LIN52: variants seen among roughly 807,000 people sequenced by gnomAD.
LIN52 encodes the protein lin-52 DREAM MuvB core complex component.
A neutral mutation model predicts 18.5 loss-of-function variants in LIN52; 4 were observed. The observed-to-expected ratio is 0.22, with a 90% confidence interval of 0.11 to 0.49. The LOEUF (loss-of-function observed/expected upper bound fraction) is 0.49. Among genes scored for constraint, LIN52 ranks in the 20% least tolerant of loss-of-function variants. The pLI is 0.97. For missense variants in LIN52, 102 were observed against 139.5 expected, an observed-to-expected ratio of 0.73 and a Z score of 1.35; for synonymous variants, 34 against 45.5, an observed-to-expected ratio of 0.75 and a Z score of 1.02.
chr14:74,136,245 G>A (rs1263677533), intron 5 of LIN52, among the ~76,000 whole-genome samples: 1 of 152,176 alleles, frequency 6.6e-6, no homozygotes, highest in Non-Finnish European at 1.5e-5. Context: ...TTTTGATGCA[G>A]ACCTTTATTT....
chr14:74,164,001 A>G (rs1355266057), intron 5 of LIN52, among the ~76,000 whole-genome samples: 2 of 136,146 alleles, frequency 1.5e-5, no homozygotes, highest in Non-Finnish European at 3.2e-5. Context: ...TTTTTTTTTG[A>G]GACAGAGACT....
rs77270108 is a variant in LIN52 at position 74,192,265 on chromosome 14, G to A, written c.284-6657G>A. On this transcript the variant is annotated intron_variant, in intron 5 of 5. Coordinates refer to ENST00000555028, the MANE Select transcript of LIN52 (RefSeq NM_001024674.3). The stretch of plus-strand genomic sequence containing the variant: ...AAGGAAGGAAGCAAGACTGAGAACA[G>A]TGGTTGTTTTTTGTTTTTGTTTTTG... 5.8e-3 allele frequency among the ~76,000 whole-genome samples: 882 copies of A among 152,064 alleles called. 7 individuals are homozygous for A. The highest frequency in any genetic ancestry group is 0.013 in the African/African-American group (538 of 41,520).
chr14:74,191,243 C>T (rs527636013), intron 5 of LIN52, among the ~76,000 whole-genome samples: 1 of 152,348 alleles, frequency 6.6e-6, no homozygotes, highest in African/African-American at 2.4e-5. Flanking sequence ...TTAACAACAG[C>T]TAGCTCCATC....
intron 5 of LIN52, chr14:74,114,379 G>C (rs1273749702): frequency 3.0e-6 from 3 of 985,424 alleles, no homozygotes; most frequent in Non-Finnish European, 3.6e-6. Context: ...GGAAGTTACA[G>C]TGGGAATCCA....
intron 5 of LIN52, among the ~76,000 whole-genome samples, chr14:74,130,809 T>C (rs944263730): frequency 2.1e-5 from 3 of 145,778 alleles, no homozygotes; most frequent in Non-Finnish European, 4.6e-5. Flanking sequence ...TGGTCTCAAA[T>C]GCCTGACCTC....
intron 5 of LIN52, 34 bp downstream of exon 5, chr14:74,101,272 A>G: frequency 3.3e-6 from 5 of 1,498,890 alleles, no homozygotes; most frequent in Non-Finnish European, 4.6e-6. Flanking sequence ...TCAGGGGTGT[A>G]TTCCACCCTG....
intron 5 of LIN52, among the ~76,000 whole-genome samples, chr14:74,140,892 C>T (rs2061126727): frequency 6.6e-6 from 1 of 152,050 alleles, no homozygotes; most frequent in Non-Finnish European, 1.5e-5. Flanking sequence ...TAGCAAGTGC[C>T]TTATTTTTTT....
At chr14:74,099,591 T>C (rs2060839385) in intron 4 of LIN52, among the ~76,000 whole-genome samples, 1 of 151,752 alleles carries the variant, frequency 6.6e-6, no homozygotes, top group African/African-American at 2.4e-5. Flanking sequence ...TGTCTTTGTG[T>C]GTGTGTGTGT....
chr14:74,138,013 A>C (rs2061107911), intron 5 of LIN52, among the ~76,000 whole-genome samples: 1 of 152,188 alleles, frequency 6.6e-6, no homozygotes, highest in South Asian at 2.1e-4. Flanking sequence ...ACTCTATTCC[A>C]CAGTCAGAGT....
At chr14:74,108,611 T>C (rs2060910643) in intron 5 of LIN52, among the ~76,000 whole-genome samples, 1 of 152,176 alleles carries the variant, frequency 6.6e-6, no homozygotes, top group African/African-American at 2.4e-5. Context: ...TAGTGTCTCA[T>C]TGTGGTTTGG....
At chr14:74,141,392 C>A (rs536627397) in intron 5 of LIN52, among the ~76,000 whole-genome samples, 1 of 152,210 alleles carries the variant, frequency 6.6e-6, no homozygotes, top group African/African-American at 2.4e-5. Context: ...ATACATAGAT[C>A]TGCTTCACTG....
rs768731184 is a variant in LIN52 at position 74,084,967 on chromosome 14, G to A, written c.-8G>A. The A allele has an allele frequency of 4.1e-6, 6 of 1,451,006 alleles. No homozygotes were observed. The highest frequency in any genetic ancestry group is 4.5e-6 in the Non-Finnish European group (5 of 1,099,890). 89.9% of individuals were successfully genotyped at this position (1,451,006 alleles called of 1,614,324 possible). A position where few individuals can be genotyped will look rare whatever the true frequency, so the allele number is the denominator to read the frequency against. Reference sequence around the variant, plus strand: ...CGGTTGGCCACGTCACGTGACATGGGTTGGAAGATGGCGTCTCCCACAGAC... The same window carrying A: ...CGGTTGGCCACGTCACGTGACATGGATTGGAAGATGGCGTCTCCCACAGAC... On this transcript the variant is annotated 5_prime_UTR_variant, in exon 1 of 6. Transcript: ENST00000555028.
chr14:74,162,985 T>C (rs1308862484), intron 5 of LIN52, among the ~76,000 whole-genome samples: 1 of 152,132 alleles, frequency 6.6e-6, no homozygotes, highest in Non-Finnish European at 1.5e-5. Flanking sequence ...ATGGAATCAT[T>C]TTATATTTAC....
chr14:74,132,536 G>A (rs896121999), intron 5 of LIN52, among the ~76,000 whole-genome samples: 3 of 152,118 alleles, frequency 2.0e-5, no homozygotes, highest in African/African-American at 7.2e-5. Context: ...TTGAGACGGA[G>A]TCTTACTCTG....
chr14:74,136,538 C>A (rs1249720528), intron 5 of LIN52, among the ~76,000 whole-genome samples: 3 of 152,154 alleles, frequency 2.0e-5, no homozygotes, highest in Non-Finnish European at 4.4e-5. Context: ...TAGTTGTTTG[C>A]ATCCATTTCT....
At chr14:74,117,863 A>G (rs949396885) in intron 5 of LIN52, among the ~76,000 whole-genome samples, 3 of 152,302 alleles carry the variant, frequency 2.0e-5, no homozygotes, top group Admixed American at 2.0e-4. Flanking sequence ...GCATATGTAT[A>G]AGAGAAGTAT....
chr14:74,102,455 A>G (rs1223770062), intron 5 of LIN52, among the ~76,000 whole-genome samples: 3 of 152,226 alleles, frequency 2.0e-5, no homozygotes, highest in Non-Finnish European at 4.4e-5. Context: ...AAGTTCACTC[A>G]TTAGTACCTA....
Position 74,199,479 on chromosome 14 carries a change from T to C in LIN52, c.*502T>C, listed in dbSNP as rs912666132. The stretch of plus-strand genomic sequence containing the variant: ...CCTGACCTGTGAACTCTCCAGTATA[T>C]ACTAAGTTCCCAGAATCCCCAGCTG... On this transcript the variant is annotated 3_prime_UTR_variant, in exon 6 of 6. Transcript: ENST00000555028. The C allele has an allele frequency of 6.6e-6, 1 of 152,514 alleles. No individual in the cohort carries two copies. Among genetic ancestry groups the C allele is most frequent in the African/African-American group, 2.4e-5 (1 of 41,462 alleles). 9.4% of individuals were successfully genotyped at this position (152,514 alleles called of 1,614,324 possible). A position where few individuals can be genotyped will look rare whatever the true frequency, so the allele number is the denominator to read the frequency against.
intron 5 of LIN52, among the ~76,000 whole-genome samples, chr14:74,123,878 T>C (rs2061013242): frequency 6.6e-6 from 1 of 152,174 alleles, no homozygotes; most frequent in Non-Finnish European, 1.5e-5. Context: ...TTATTGGAAG[T>C]AGATCTGTTC....
Sources: gnomAD v4.1 joint callset for allele counts (sites outside exome capture counted in the v4.1 genomes callset) on GRCh38, gnomAD v4.1.1 for gene constraint, MANE v1.5 for transcripts, NCBI Gene and HGNC (gene_info 2026-07-23, HGNC 2026-07-21) for gene names.